The following UGT1A6 variants were observed in gnomAD, a reference collection of about 807,000 sequenced individuals.
The protein encoded by UGT1A6 is UDP-glucuronosyltransferase 1A6.
A neutral mutation model predicts 44.4 loss-of-function variants in UGT1A6; 32 were observed. The ratio of observed to expected loss-of-function variants is 0.72; its 90% CI spans 0.54 to 0.97. The LOEUF is 0.97. Among genes scored for constraint, UGT1A6 ranks in the 50% least tolerant of loss-of-function variants. The probability of loss-of-function intolerance (pLI) is 0.00; values close to 1 mark genes in which losing one functional copy is unlikely to be tolerated. For missense variants in UGT1A6, 685 were observed against 661.9 expected (o/e 1.03, Z -0.38); for synonymous variants, 238 against 248.5 (o/e 0.96, Z 0.40).
At chr2:233,730,740 A>G (rs1421487405) in intron 1 of UGT1A6, among the ~76,000 whole-genome samples, 1 of 152,154 alleles carries the variant, frequency 6.6e-6, no homozygotes, top group East Asian at 1.9e-4. Context: ...GGAAGGGGCT[A>G]GGGAGGAGAT....
chr2:233,747,893 T>G (rs1693806794), intron 1 of UGT1A6: 1 of 1,613,576 alleles, frequency 6.2e-7, no homozygotes. Flanking sequence ...GCCATGCTCT[T>G]TCTGCTCCTT....
At chr2:233,727,849 C>T (rs1182266870) in intron 1 of UGT1A6, among the ~76,000 whole-genome samples, 2 of 152,218 alleles carry the variant, frequency 1.3e-5, no homozygotes, top group Admixed American at 6.5e-5. Flanking sequence ...GGAGTAATTT[C>T]CTCCCTAAGG....
chr2:233,712,086 T>A (rs2076214187), intron 1 of UGT1A6, among the ~76,000 whole-genome samples: 1 of 152,220 alleles, frequency 6.6e-6, no homozygotes, highest in Admixed American at 6.5e-5. Flanking sequence ...AAGGCCTGGA[T>A]GAATGGACAC....
intron 1 of UGT1A6, among the ~76,000 whole-genome samples, chr2:233,714,428 C>T (rs2076386615): frequency 6.6e-6 from 1 of 152,106 alleles, no homozygotes; most frequent in African/African-American, 2.4e-5. Context: ...GAGAATGAAA[C>T]ACAGAGTTCA....
At chr2:233,721,874 C>G in intron 1 of UGT1A6, 5 of 497,190 alleles carry the variant, frequency 1.0e-5, no homozygotes, top group South Asian at 7.3e-5. Context: ...GGCACACTTG[C>G]CAGCCCCTCC....
chr2:233,768,814 C>T (rs1699733347), intron 4 of UGT1A6, among the ~76,000 whole-genome samples: 1 of 152,052 alleles, frequency 6.6e-6, no homozygotes, highest in African/African-American at 2.4e-5. Context: ...GAACTCCTGA[C>T]TTCAGGTGAT....
chr2:233,769,841 G>A lies in UGT1A6; in HGVS notation c.1301+1402G>A. On this transcript the variant is annotated intron_variant, in intron 4 of 4. Transcript: ENST00000305139. The surrounding 1 kb of genome is among the most constrained non-coding windows in gnomAD (Gnocchi z 4.4). ...CTGCACTCCAGCAACCTGGGCAACAGAGTGAGACCCTGTCTCAAAAAAAAA... is the reference window on the plus strand; with the variant it reads ...CTGCACTCCAGCAACCTGGGCAACAAAGTGAGACCCTGTCTCAAAAAAAAA... 1.8e-6 allele frequency: 1 copy of A among 550,094 alleles called. No individual in the cohort carries two copies. Among genetic ancestry groups the A allele is most frequent in the Non-Finnish European group, 2.8e-6 (1 of 353,910 alleles). The allele number at this position is 550,094 out of a possible 1,614,324, so 34.1% of individuals were successfully genotyped here.
At chr2:233,752,746 A>AAAACAAACAAAC (rs200752387) in intron 1 of UGT1A6, among the ~76,000 whole-genome samples, 1 of 152,190 alleles carries the variant, frequency 6.6e-6, no homozygotes, top group East Asian at 1.9e-4. Context: ...CCCTGTCTCT[A>AAAACAAACAAAC]AAACAAACAA....
chr2:233,733,904 C>T (rs1479410673), intron 1 of UGT1A6, among the ~76,000 whole-genome samples: 1 of 151,462 alleles, frequency 6.6e-6, no homozygotes, highest in Non-Finnish European at 1.5e-5. Context: ...TTGTACCTCT[C>T]TGGTAGAATT....
chr2:233,772,501 G>A lies in UGT1A6; in HGVS notation c.1541G>A (p.Arg514Gln), dbSNP rs778667717. Residue 514 changes from arginine (R) to glutamine (Q), a missense_variant, in exon 5 of 5, where the codon CGG (arginine) becomes CAG (glutamine). Transcript: ENST00000305139. Reference protein sequence around the residue: ...ITFKCCAYGYRKCLGKKGRVK... With the variant: ...ITFKCCAYGYQKCLGKKGRVK... Reference sequence around the variant, plus strand: ...TTTAAATGTTGTGCTTATGGCTACCGGAAATGCTTGGGGAAAAAAGGGCGA... The same window carrying A: ...TTTAAATGTTGTGCTTATGGCTACCAGAAATGCTTGGGGAAAAAAGGGCGA... The A allele has an allele frequency of 1.8e-5, 29 of 1,614,036 alleles. No homozygotes were observed. The highest frequency in any genetic ancestry group is 5.5e-5 in the South Asian group (5 of 91,088).
At chr2:233,748,018 T>C in intron 1 of UGT1A6, 1 of 1,613,548 alleles carries the variant, frequency 6.2e-7, no homozygotes, top group East Asian at 2.2e-5. Context: ...CCCAGGCCGA[T>C]CATGCCCAAC....
Position 233,697,763 on chromosome 2 carries a change from C to T in UGT1A6, c.861+3898C>T, listed in dbSNP as rs369602705. On this transcript the variant is annotated intron_variant, in intron 1 of 4. Coordinates refer to ENST00000305139, the MANE Select transcript of UGT1A6 (RefSeq NM_001072.4). ...TTGCTATAGCCCATAGATTTTGATACATTGTGTTTCCATTTTCATTCGTTT... is the reference window on the plus strand; with the variant it reads ...TTGCTATAGCCCATAGATTTTGATATATTGTGTTTCCATTTTCATTCGTTT... Among the ~76,000 whole-genome samples the T allele has an allele frequency of 3.3e-5, 5 of 151,988 alleles. No homozygotes were observed. The South Asian group carries it at 1.0e-3, about 32-fold the overall frequency.
At chr2:233,736,140 G>A (rs1255229589) in intron 1 of UGT1A6, among the ~76,000 whole-genome samples, 1 of 152,150 alleles carries the variant, frequency 6.6e-6, no homozygotes, top group Non-Finnish European at 1.5e-5. Flanking sequence ...ATCACTTTCA[G>A]GTACACCAGT....
At chr2:233,698,825 A>C (rs116279107) in intron 1 of UGT1A6, among the ~76,000 whole-genome samples, 1 of 152,246 alleles carries the variant, frequency 6.6e-6, no homozygotes, top group Non-Finnish European at 1.5e-5. Flanking sequence ...TGGAAGAGTA[A>C]GGCAGGATCA....
chr2:233,713,730 G>C, intron 1 of UGT1A6: 1 of 1,613,910 alleles, frequency 6.2e-7, no homozygotes, highest in South Asian at 1.1e-5. Flanking sequence ...GTCAGTGGTG[G>C]ATCTTGTCAG....
At chr2:233,712,807 G>A (rs181271585) in intron 1 of UGT1A6, among the ~76,000 whole-genome samples, 194 of 152,338 alleles carry the variant, frequency 1.3e-3, no homozygotes, top group African/African-American at 4.6e-3. Context: ...TCTTTCCCAG[G>A]GTGGGGCCCA....
chr2:233,762,345 C>A (rs964115716), intron 1 of UGT1A6, among the ~76,000 whole-genome samples: 1 of 152,164 alleles, frequency 6.6e-6, no homozygotes, highest in Non-Finnish European at 1.5e-5. Flanking sequence ...CTTTTTAGTT[C>A]TTTGTACTCC....
intron 1 of UGT1A6, chr2:233,761,302 C>G: frequency 6.8e-7 from 1 of 1,473,836 alleles, no homozygotes. Context: ...AGGTTTGAGT[C>G]TGTCTTTGGC....
chr2:233,717,616 G>C (rs555691364), intron 1 of UGT1A6, among the ~76,000 whole-genome samples: 1 of 152,342 alleles, frequency 6.6e-6, no homozygotes, highest in African/African-American at 2.4e-5. Flanking sequence ...ACAGCCCAGA[G>C]AGCCTGCCCA....
Sources: gnomAD v4.1 joint callset for allele counts (sites outside exome capture counted in the v4.1 genomes callset) on GRCh38, gnomAD v4.1.1 for gene constraint, Gnocchi (gnomAD v3.1) non-coding constraint, MANE v1.5 for transcripts, NCBI Gene and HGNC (gene_info 2026-07-23, HGNC 2026-07-21) for gene names.